The following ABCG2 variants were observed in gnomAD, a reference collection of about 807,000 sequenced individuals.
ABCG2 encodes the protein broad substrate specificity ATP-binding cassette transporter ABCG2.
ABCG2 carries 80 observed loss-of-function variants against 73.5 expected under a neutral mutation model. That is an observed-to-expected ratio of 1.09 (90% CI 0.91 to 1.31). The LOEUF (loss-of-function observed/expected upper bound fraction) is 1.31, where lower values mean the gene tolerates loss of function less well. ABCG2 is among the 50% of genes most tolerant of loss of function. The pLI, the probability that ABCG2 is intolerant of heterozygous loss-of-function variation, is 0.00. For synonymous variants in ABCG2, 269 were observed against 282.4 expected (o/e 0.95, Z 0.48); for missense variants, 796 against 786.2 (o/e 1.01, Z -0.15).
chr4:88,229,008 C>T (rs532391876), intron 1 of ABCG2, among the ~76,000 whole-genome samples: 222 of 152,288 alleles, frequency 1.5e-3, no homozygotes, highest in African/African-American at 5.2e-3. Context: ...TGGGCAGGGC[C>T]AAATAAGGGA....
At chr4:88,230,308 TTTTTTTTTTTGGCC>T (rs1321193125) in intron 1 of ABCG2, among the ~76,000 whole-genome samples, 17 of 96,070 alleles carry the variant, frequency 1.8e-4, no homozygotes, top group South Asian at 3.2e-4. Flanking sequence ...TATATATATA[TTTTTTTTTTTGGCC>T]ACATATATAT....
At chr4:88,171,448 T>TG (rs1309467793) in intron 1 of ABCG2, among the ~76,000 whole-genome samples, 3 of 78,318 alleles carry the variant, frequency 3.8e-5, no homozygotes, top group Non-Finnish European at 8.0e-5. Flanking sequence ...TTACAGAAGC[T>TG]GGTGACTGAG....
intron 1 of ABCG2, among the ~76,000 whole-genome samples, chr4:88,225,585 G>A (rs777385171): frequency 6.6e-6 from 1 of 152,200 alleles, no homozygotes; most frequent in African/African-American, 2.4e-5. Context: ...CTCCATAGGA[G>A]GTAGACTGTA....
intron 9 of ABCG2, among the ~76,000 whole-genome samples, chr4:88,109,337 T>A (rs2109999148): frequency 6.6e-6 from 1 of 152,282 alleles, no homozygotes; most frequent in Non-Finnish European, 1.5e-5. Flanking sequence ...CTTTGTCAAG[T>A]TTTCATTCAA....
intron 13 of ABCG2, among the ~76,000 whole-genome samples, 178 bp downstream of exon 13, chr4:88,097,275 G>A (rs1722047907): frequency 6.6e-6 from 1 of 152,146 alleles, no homozygotes; most frequent in Non-Finnish European, 1.5e-5. Context: ...GGTTGGATAA[G>A]GGCAAAGAGG....
At chr4:88,227,480 TAAA>T (rs949206887) in intron 1 of ABCG2, among the ~76,000 whole-genome samples, 2 of 152,212 alleles carry the variant, frequency 1.3e-5, no homozygotes, top group African/African-American at 2.4e-5. Flanking sequence ...TGTATTCTTT[TAAA>T]ATATTGACTG....
chr4:88,101,311 A>AC lies in ABCG2; in HGVS notation c.1285dup (p.Val429GlyfsTer30). 6.2e-7 allele frequency: 1 copy of AC among 1,614,034 alleles called. No homozygotes were observed. Among genetic ancestry groups the AC allele is most frequent in the Non-Finnish European group, 8.5e-7 (1 of 1,179,984 alleles). ...CTGGTTGGTCGTCAGGAAGAAGAGA[A>AC]CCCCAGCTCTGCCATGAAAAGGGGA... On this transcript the variant is annotated frameshift_variant, in exon 11 of 16. Transcript: ENST00000237612. LOFTEE classifies it high-confidence loss of function.
intron 2 of ABCG2, among the ~76,000 whole-genome samples, chr4:88,137,014 A>ATAAAATAAAG (rs1245502793): frequency 2.1e-4 from 21 of 99,364 alleles, no homozygotes; most frequent in Non-Finnish European, 3.6e-4. Flanking sequence ...CTCCATCTCA[A>ATAAAATAAAG]TAAAATAAAA....
chr4:88,107,879 G>T (rs1180955122), intron 9 of ABCG2, among the ~76,000 whole-genome samples: 1 of 152,206 alleles, frequency 6.6e-6, no homozygotes, highest in East Asian at 1.9e-4. Context: ...GCCTGCACTG[G>T]AAAAGTGCAT....
At chr4:88,225,663 T>C (rs138867968) in intron 1 of ABCG2, among the ~76,000 whole-genome samples, 4 of 152,218 alleles carry the variant, frequency 2.6e-5, no homozygotes. Context: ...TGGTATCATA[T>C]GAGTCATGAC....
chr4:88,156,099 G>A (rs368583560), intron 1 of ABCG2, among the ~76,000 whole-genome samples: 15 of 151,948 alleles, frequency 9.9e-5, no homozygotes, highest in Admixed American at 3.9e-4. Context: ...AAGAGTCCGG[G>A]CATGATAGCT....
intron 10 of ABCG2, among the ~76,000 whole-genome samples, chr4:88,101,764 A>G (rs906354348): frequency 2.6e-5 from 4 of 152,344 alleles, no homozygotes; most frequent in Admixed American, 1.3e-4. Context: ...CAAGTCTGCA[A>G]GCCAGGTAGA....
At chr4:88,158,882 C>G, upstream of ABCG2, 1 of 335,764 alleles carries the variant, frequency 3.0e-6, no homozygotes, top group Admixed American at 4.4e-5. Context: ...AGCCGCGCTT[C>G]GGGCTGTGGA....
At chr4:88,185,417 T>G (rs1341365594) in intron 1 of ABCG2, among the ~76,000 whole-genome samples, 2 of 152,048 alleles carry the variant, frequency 1.3e-5, no homozygotes, top group East Asian at 3.9e-4. Flanking sequence ...TTGAGGAAGA[T>G]CTCCAGGATA....
At chr4:88,121,918 A>G (rs3102037) in intron 5 of ABCG2, 126 bp from the exon 6 acceptor site, 12 of 899,458 alleles carry the variant, frequency 1.3e-5, no homozygotes, top group Non-Finnish European at 2.0e-5. Flanking sequence ...TGAACAGCAA[A>G]TAAGTGGATA....
Position 88,107,286 on chromosome 4 carries a change from C to CA in ABCG2, c.1195-21dup, listed in dbSNP as rs34485575. On this transcript the variant is annotated intron_variant, in intron 9 of 15. Transcript: ENST00000237612. ...AATGATCTTTTCAAAAAGAAAAATG[C>CA]AAAAAAAGGGGAAGAGTTTCAATTA... 3 of 1,540,128 alleles carry CA rather than the reference C, an allele frequency of 1.9e-6. No individual in the cohort carries two copies. The highest frequency in any genetic ancestry group is 2.0e-5 in the Admixed American group (1 of 50,654).
chr4:88,154,912 T>C (rs1325763507), intron 1 of ABCG2, among the ~76,000 whole-genome samples: 1 of 150,758 alleles, frequency 6.6e-6, no homozygotes, highest in Non-Finnish European at 1.5e-5. Context: ...CGGCAGCCAC[T>C]GCACGGAGAC....
chr4:88,115,970 A>G (rs1308097288), intron 7 of ABCG2, among the ~76,000 whole-genome samples: 3 of 152,166 alleles, frequency 2.0e-5, no homozygotes, highest in African/African-American at 7.2e-5. Flanking sequence ...CGAGACCAGC[A>G]AACCACTTGA....
intron 11 of ABCG2, 95 bp downstream of exon 11, chr4:88,101,135 G>A (rs1722377314): frequency 4.2e-6 from 4 of 951,502 alleles, no homozygotes; most frequent in Middle Eastern, 2.4e-4. Flanking sequence ...GTAATCCTCC[G>A]GATCCCATCC....
Sources: gnomAD v4.1 joint callset for allele counts (sites outside exome capture counted in the v4.1 genomes callset) on GRCh38, gnomAD v4.1.1 for gene constraint, MANE v1.5 for transcripts, NCBI Gene and HGNC (gene_info 2026-07-23, HGNC 2026-07-21) for gene names.